The following TRIO variants were observed in gnomAD, a reference collection of about 807,000 sequenced individuals.
TRIO encodes the protein triple functional domain protein.
TRIO carries 58 observed loss-of-function variants against 351.9 expected under a neutral mutation model. That is an observed-to-expected ratio of 0.16 (90% CI 0.13 to 0.21). The LOEUF (loss-of-function observed/expected upper bound fraction) is 0.21. TRIO is among the 10% of genes least tolerant of loss of function. TRIO has a pLI of 1.00. For missense variants in TRIO, 3,201 were observed against 4,027.8 expected, an observed-to-expected ratio of 0.79 and a Z score of 5.56; for synonymous variants, 1,758 against 1,595.7, an observed-to-expected ratio of 1.10 and a Z score of -2.42.
At chr5:14,246,799 C>T (rs541856109) in intron 1 of TRIO, among the ~76,000 whole-genome samples, 2 of 152,240 alleles carry the variant, frequency 1.3e-5, no homozygotes, top group South Asian at 4.1e-4. Flanking sequence ...CTGCTTCTGT[C>T]TCTGCACCTG....
At chr5:14,314,758 A>G (rs745825976) in intron 8 of TRIO, among the ~76,000 whole-genome samples, 1 of 152,218 alleles carries the variant, frequency 6.6e-6, no homozygotes, top group Non-Finnish European at 1.5e-5. Context: ...CCTCTCTTCA[A>G]AATCTTTGCA....
At position 14,290,906 on chromosome 5, in the gene TRIO, A is replaced by G; in HGVS notation, c.731A>G (p.Lys244Arg). ...GAACTTCAGGACATCCTAGCTAAGA[A>G]GGAGCTGCCTCAGGATTTAGAGGGG... is the stretch of plus-strand genomic sequence containing the variant. ...LEELQDILAK[K>R]ELPQDLEGAR... Residue 244 changes from lysine to arginine, a missense_variant, in exon 5 of 57, where the codon AAG (lysine) becomes AGG (arginine). Around this residue, in one of 19 missense-constraint regions of TRIO, gnomAD observed 349 missense variants for 449.3 expected, o/e 0.78. Transcript: ENST00000344204. 3 of 1,614,204 alleles carry G rather than the reference A, an allele frequency of 1.9e-6. No homozygotes were observed. In the South Asian group the frequency reaches 3.3e-5, roughly 18 times the overall value.
chr5:14,303,785 G>A (rs150109707), intron 7 of TRIO, among the ~76,000 whole-genome samples: 47 of 152,272 alleles, frequency 3.1e-4, no homozygotes, highest in African/African-American at 1.1e-3. Flanking sequence ...TTTCTCATTT[G>A]CCTGCAAATT....
At chr5:14,203,428 T>C (rs1218154296) in intron 1 of TRIO, among the ~76,000 whole-genome samples, 1 of 152,226 alleles carries the variant, frequency 6.6e-6, no homozygotes, top group African/African-American at 2.4e-5. Context: ...TCTCACAGTA[T>C]TTTTAGAATC....
At chr5:14,302,749 TGAG>T (rs1200512334) in intron 7 of TRIO, among the ~76,000 whole-genome samples, 3 of 152,236 alleles carry the variant, frequency 2.0e-5, no homozygotes, top group Admixed American at 6.5e-5. Context: ...TCTGGTCAGT[TGAG>T]TATTGCATTT....
chr5:14,192,015 G>C (rs1205237836), intron 1 of TRIO, among the ~76,000 whole-genome samples: 2 of 152,168 alleles, frequency 1.3e-5, no homozygotes, highest in Non-Finnish European at 2.9e-5. Flanking sequence ...AATTCAGAAA[G>C]AATCATGTAT....
chr5:14,498,486 C>A (rs1457211938), intron 52 of TRIO, 33 bp from the exon 53 acceptor site: 3 of 1,603,982 alleles, frequency 1.9e-6, no homozygotes, highest in Non-Finnish European at 2.6e-6. Flanking sequence ...CTCAGCTTTT[C>A]TGATGCGCAG....
chr5:14,448,435 G>A lies in TRIO; in HGVS notation c.5204-12584G>A, dbSNP rs554686703. ...GTTGTCTCACAGCAGGCCTAGACGTGGCCTTATGCCTGTTGTTCTGTCATG... is the reference window on the plus strand; with the variant it reads ...GTTGTCTCACAGCAGGCCTAGACGTAGCCTTATGCCTGTTGTTCTGTCATG... On this transcript the variant is annotated intron_variant, in intron 34 of 56. Coordinates refer to ENST00000344204, the MANE Select transcript of TRIO (RefSeq NM_007118.4). Among the ~76,000 whole-genome samples, 3 of 152,348 alleles carry A rather than the reference G, an allele frequency of 2.0e-5. No individual in the cohort carries two copies. In the South Asian group the frequency reaches 6.2e-4, roughly 32 times the overall value.
chr5:14,214,059 A>G (rs1487926333), intron 1 of TRIO, among the ~76,000 whole-genome samples: 1 of 152,122 alleles, frequency 6.6e-6, no homozygotes, highest in African/African-American at 2.4e-5. Flanking sequence ...AGAGAGCTTC[A>G]TGCAGTCAGG....
intron 20 of TRIO, among the ~76,000 whole-genome samples, chr5:14,380,833 A>G (rs1746037855): frequency 6.6e-6 from 1 of 152,248 alleles, no homozygotes; most frequent in South Asian, 2.1e-4. Flanking sequence ...CCCATCAGCA[A>G]TAGACTGGAT....
At chr5:14,372,683 CTT>C (rs989627383) in intron 18 of TRIO, among the ~76,000 whole-genome samples, 25 of 151,898 alleles carry the variant, frequency 1.6e-4, no homozygotes, top group Non-Finnish European at 2.8e-4. Context: ...CTACATATGA[CTT>C]TTTTTTAGTA....
At chr5:14,242,364 C>G (rs867502686) in intron 1 of TRIO, among the ~76,000 whole-genome samples, 1 of 152,234 alleles carries the variant, frequency 6.6e-6, no homozygotes, top group South Asian at 2.1e-4. Flanking sequence ...GAATAAAGAT[C>G]ATTTCTGTGA....
At chr5:14,490,158 A>G (rs1445866187) in intron 48 of TRIO, among the ~76,000 whole-genome samples, 3 of 135,270 alleles carry the variant, frequency 2.2e-5, no homozygotes, top group Admixed American at 2.1e-4. Flanking sequence ...ACGCACCTAT[A>G]GTCCCAGCTA....
At position 14,464,877 on chromosome 5, in the gene TRIO, C is replaced by T. The variant is rs941721895; in HGVS notation, c.5668-668C>T. Among the ~76,000 whole-genome samples the T allele has an allele frequency of 2.0e-5, 3 of 152,106 alleles. No homozygotes were observed. In the South Asian group the frequency reaches 6.2e-4, roughly 32 times the overall value. ...TGAAACTCGAACTTAGTAGCCCCTC[C>T]CCCAGATTTCCTGTCAACCCCTTTA... On this transcript the variant is annotated intron_variant, in intron 36 of 56. Coordinates refer to ENST00000344204, the MANE Select transcript of TRIO (RefSeq NM_007118.4).
intron 36 of TRIO, among the ~76,000 whole-genome samples, chr5:14,465,023 C>A (rs896568237): frequency 2.6e-5 from 4 of 152,148 alleles, no homozygotes; most frequent in Admixed American, 6.5e-5. Context: ...CCCCCTCCTT[C>A]CCTGTCTGGT....
chr5:14,337,315 A>T (rs1741507377), intron 11 of TRIO, among the ~76,000 whole-genome samples: 1 of 152,272 alleles, frequency 6.6e-6, no homozygotes, highest in South Asian at 2.1e-4. Context: ...GGTAGAAATC[A>T]TATAAAGTTA....
In TRIO at chr5:14,405,892, C is replaced by A; in HGVS notation, c.4761C>A (p.Arg1587=). Residue 1587 remains arginine, a synonymous_variant, in exon 32 of 57, where the codon CGC becomes CGA. Transcript: ENST00000344204. ...AGCAGGACTGGATAAAGCATATCCG[C>A]GAAGTCATCCAGGAGCGGACGATCC... ...ENKQDWIKHI[R]EVIQERTIHL... is the part of the protein sequence containing the mutation. The A allele has an allele frequency of 6.2e-7, 1 of 1,613,840 alleles. No homozygotes were observed. The highest frequency in any genetic ancestry group is 8.5e-7 in the Non-Finnish European group (1 of 1,179,986).
At chr5:14,195,337 A>T (rs1333183999) in intron 1 of TRIO, among the ~76,000 whole-genome samples, 7 of 152,056 alleles carry the variant, frequency 4.6e-5, no homozygotes, top group Non-Finnish European at 8.8e-5. Context: ...TTTCCTTGTG[A>T]TGTGGGTGGG....
chr5:14,196,814 C>T (rs529636059), intron 1 of TRIO, among the ~76,000 whole-genome samples: 2 of 152,288 alleles, frequency 1.3e-5, no homozygotes, highest in South Asian at 2.1e-4. Flanking sequence ...TGACCAGATA[C>T]TGAATGAAGT....
Sources: allele counts gnomAD v4.1 joint callset (sites outside exome capture counted in the v4.1 genomes callset), GRCh38; gene constraint gnomAD v4.1.1; regional missense constraint gnomAD v4.1.1; transcripts MANE v1.5; gene names NCBI Gene and HGNC (gene_info 2026-07-23, HGNC 2026-07-21).